Variants in RIT2 observed in about 807,000 individuals in gnomAD.
RIT2 encodes GTP-binding protein Rit2.
A neutral mutation model predicts 23.7 loss-of-function variants in RIT2; 24 were observed. The ratio of observed to expected loss-of-function variants is 1.01; its 90% CI spans 0.73 to 1.43. RIT2 has a LOEUF of 1.43. RIT2 is among the 40% of genes most tolerant of loss of function. The probability of loss-of-function intolerance (pLI) is 0.00; values close to 1 mark genes in which losing one functional copy is unlikely to be tolerated. For missense variants in RIT2, 236 were observed against 266.9 expected (o/e 0.88, Z 0.81); for synonymous variants, 107 against 91.1 (o/e 1.17, Z -0.99).
chr18:43,078,404 AG>A (rs1568075571), intron 1 of RIT2, among the ~76,000 whole-genome samples: 1 of 152,190 alleles, frequency 6.6e-6, no homozygotes, highest in Non-Finnish European at 1.5e-5. Flanking sequence ...TTCCAGGTAC[AG>A]CTAAATTCCC....
intron 4 of RIT2, among the ~76,000 whole-genome samples, chr18:42,855,906 A>AT (rs1007053868): frequency 5.3e-5 from 8 of 151,898 alleles, no homozygotes; most frequent in African/African-American, 1.5e-4. Context: ...AAATTTTAGT[A>AT]TTTTTTTTAA....
intron 4 of RIT2, among the ~76,000 whole-genome samples, chr18:42,865,847 G>T (rs1183836588): frequency 1.3e-5 from 2 of 152,050 alleles, no homozygotes; most frequent in African/African-American, 2.4e-5. Flanking sequence ...TCTACATTCT[G>T]GAAAAACCAG....
chr18:42,881,454 A>G (rs1283918024), intron 4 of RIT2, among the ~76,000 whole-genome samples: 1 of 152,220 alleles, frequency 6.6e-6, no homozygotes, highest in Non-Finnish European at 1.5e-5. Flanking sequence ...TTAAATGTCC[A>G]GTAATACCTC....
intron 1 of RIT2, among the ~76,000 whole-genome samples, chr18:43,056,167 T>C (rs1912498387): frequency 6.6e-6 from 1 of 152,112 alleles, no homozygotes; most frequent in Non-Finnish European, 1.5e-5. Context: ...TTATTGCACA[T>C]GCAGAAGCCT....
At chr18:43,059,950 C>T (rs931615788) in intron 1 of RIT2, among the ~76,000 whole-genome samples, 1 of 152,086 alleles carries the variant, frequency 6.6e-6, no homozygotes, top group African/African-American at 2.4e-5. Flanking sequence ...GTAACCCCAC[C>T]TCAGAGGCTA....
chr18:43,060,569 C>T (rs895812377), intron 1 of RIT2, among the ~76,000 whole-genome samples: 4 of 152,112 alleles, frequency 2.6e-5, no homozygotes, highest in African/African-American at 7.2e-5. Flanking sequence ...CCAAGCTGGA[C>T]ACCAGTGATG....
chr18:42,830,756 G>T (rs1906435353), intron 4 of RIT2, among the ~76,000 whole-genome samples: 1 of 152,100 alleles, frequency 6.6e-6, no homozygotes, highest in Non-Finnish European at 1.5e-5. Flanking sequence ...GGAATTTAAG[G>T]CAAGATAGGG....
At chr18:42,757,911 A>G (rs944712513) in intron 4 of RIT2, among the ~76,000 whole-genome samples, 1 of 152,184 alleles carries the variant, frequency 6.6e-6, no homozygotes, top group Admixed American at 6.5e-5. Flanking sequence ...CTGTATTATT[A>G]GACATCTTAT....
chr18:42,969,753 A>T (rs1181145105), intron 3 of RIT2, among the ~76,000 whole-genome samples: 1 of 152,078 alleles, frequency 6.6e-6, no homozygotes, highest in Admixed American at 6.6e-5. Flanking sequence ...ATACATTTAT[A>T]AAGTAAACAT....
intron 1 of RIT2, among the ~76,000 whole-genome samples, chr18:43,055,021 C>A (rs962049484): frequency 2.6e-5 from 4 of 152,076 alleles, no homozygotes; most frequent in Non-Finnish European, 4.4e-5. Flanking sequence ...TCATGGGTAA[C>A]CCTTCAGGCT....
intron 1 of RIT2, among the ~76,000 whole-genome samples, chr18:43,095,628 T>C (rs943225602): frequency 6.6e-6 from 1 of 152,022 alleles, no homozygotes; most frequent in Non-Finnish European, 1.5e-5. Flanking sequence ...TAATTTTAAA[T>C]TCAATGTAAT....
intron 2 of RIT2, among the ~76,000 whole-genome samples, chr18:43,031,433 T>G (rs1369736285): frequency 6.6e-6 from 1 of 151,760 alleles, no homozygotes; most frequent in East Asian, 1.9e-4. Flanking sequence ...CCTGAGTCAG[T>G]GTAATAAAGA....
intron 4 of RIT2, among the ~76,000 whole-genome samples, chr18:42,847,746 T>A (rs1906948166): frequency 6.6e-6 from 1 of 151,960 alleles, no homozygotes; most frequent in African/African-American, 2.4e-5. Context: ...ACACTTATAG[T>A]CTGCAGTATA....
chr18:42,877,520 CTATATATATA>C (rs144405918), intron 4 of RIT2, among the ~76,000 whole-genome samples: 1 of 143,752 alleles, frequency 7.0e-6, no homozygotes, highest in African/African-American at 2.5e-5. Flanking sequence ...TTTGTATACA[CTATATATATA>C]TATATATATA....
chr18:42,909,186 C>A (rs1164065595), intron 4 of RIT2, among the ~76,000 whole-genome samples: 1 of 152,106 alleles, frequency 6.6e-6, no homozygotes, highest in East Asian at 1.9e-4. Context: ...TTGGACAGAG[C>A]TTGAGGCCAT....
At chr18:42,891,066 T>A (rs2144093529) in intron 4 of RIT2, among the ~76,000 whole-genome samples, 1 of 152,280 alleles carries the variant, frequency 6.6e-6, no homozygotes, top group South Asian at 2.1e-4. Context: ...TAGATCATCA[T>A]TTAGTGACTA....
At chr18:43,040,280 A>T (rs1197746476) in intron 1 of RIT2, among the ~76,000 whole-genome samples, 1 of 152,188 alleles carries the variant, frequency 6.6e-6, no homozygotes. Flanking sequence ...AGATTGATGG[A>T]AATAGGTGCC....
At chr18:42,744,334 A>G (rs1282889528) in intron 4 of RIT2, among the ~76,000 whole-genome samples, 1 of 152,184 alleles carries the variant, frequency 6.6e-6, no homozygotes, top group Non-Finnish European at 1.5e-5. Flanking sequence ...AAAAATATAT[A>G]GCAATGTGAG....
At chr18:42,839,260 A>G (rs985340145) in intron 4 of RIT2, among the ~76,000 whole-genome samples, 2 of 152,152 alleles carry the variant, frequency 1.3e-5, no homozygotes, top group African/African-American at 4.8e-5. Flanking sequence ...CCACCAATCA[A>G]TGGGAAGTGA....
Sources: gnomAD v4.1 joint callset for allele counts (sites outside exome capture counted in the v4.1 genomes callset) on GRCh38, gnomAD v4.1.1 for gene constraint, MANE v1.5 for transcripts, NCBI Gene and HGNC (gene_info 2026-07-23, HGNC 2026-07-21) for gene names.